The following LPP variants were observed in gnomAD, a reference collection of about 807,000 sequenced individuals.
LPP encodes the protein lipoma-preferred partner.
A neutral mutation model predicts 60.4 loss-of-function variants in LPP; 38 were observed. The observed-to-expected ratio is 0.63, with a 90% confidence interval of 0.49 to 0.83. The LOEUF (loss-of-function observed/expected upper bound fraction) is 0.83. Ranked by LOEUF, LPP falls within the 40% of genes least tolerant of loss-of-function variation. The pLI, the probability that LPP is intolerant of heterozygous loss-of-function variation, is 0.00. For missense variants in LPP, 902 were observed against 783.6 expected, an observed-to-expected ratio of 1.15 and a Z score of -1.80; for synonymous variants, 328 against 290.8, an observed-to-expected ratio of 1.13 and a Z score of -1.30.
At chr3:188,437,449 C>T (rs1792613662) in intron 4 of LPP, among the ~76,000 whole-genome samples, 1 of 152,172 alleles carries the variant, frequency 6.6e-6, no homozygotes, top group Non-Finnish European at 1.5e-5. Context: ...AGATATTCCA[C>T]ACACTTAAAT....
intron 1 of LPP, among the ~76,000 whole-genome samples, chr3:188,165,545 A>T (rs1330261670): frequency 2.0e-5 from 3 of 152,170 alleles, no homozygotes; most frequent in African/African-American, 7.2e-5. Context: ...CATTGAGAGA[A>T]ACCTTTATTG....
chr3:188,277,042 T>C (rs932320096), intron 2 of LPP, among the ~76,000 whole-genome samples: 2 of 151,670 alleles, frequency 1.3e-5, no homozygotes, highest in Non-Finnish European at 2.9e-5. Flanking sequence ...TGGCTGGACT[T>C]ATAGGCACGT....
intron 7 of LPP, among the ~76,000 whole-genome samples, chr3:188,645,582 A>G (rs1295421794): frequency 6.6e-6 from 1 of 152,160 alleles, no homozygotes; most frequent in African/African-American, 2.4e-5. Flanking sequence ...AATGCGCAGT[A>G]ATACCTACAG....
chr3:188,657,281 T>TATATATATATATA (rs10529848), intron 7 of LPP, among the ~76,000 whole-genome samples: 18 of 143,552 alleles, frequency 1.3e-4, no homozygotes, highest in Non-Finnish European at 1.7e-4. Context: ...TATATATATA[T>TATATATATATATA]TTCCAAAAGC....
At position 188,313,588 on chromosome 3, in the gene LPP, G is replaced by A. The variant is rs892223145; in HGVS notation, c.-66-28075G>A. The stretch of plus-strand genomic sequence containing the variant: ...GGAGGTGGAGGTTGCAGTGAGCCAA[G>A]ATCCCGCCACTGCACTCCAGCCTGG... On this transcript the variant is annotated intron_variant, in intron 2 of 11. Coordinates refer to ENST00000617246, the MANE Select transcript of LPP (RefSeq NM_001375462.1). 3.3e-5 allele frequency among the ~76,000 whole-genome samples: 5 copies of A among 149,548 alleles called. No individual in the cohort carries two copies. In the Admixed American group the frequency reaches 3.3e-4, roughly 10 times the overall value.
At chr3:188,161,234 T>C (rs1385519366) in intron 1 of LPP, among the ~76,000 whole-genome samples, 1 of 152,076 alleles carries the variant, frequency 6.6e-6, no homozygotes, top group African/African-American at 2.4e-5. Flanking sequence ...CAAAGAGCTC[T>C]GGTGGCAGAC....
intron 1 of LPP, among the ~76,000 whole-genome samples, chr3:188,203,549 ATTTTTAAAT>A (rs1732100283): frequency 1.2e-5 from 1 of 84,008 alleles, no homozygotes; most frequent in African/African-American, 4.4e-5. Context: ...ATATATATAT[ATTTTTAAAT>A]ATATATAAAT....
At chr3:188,568,174 G>C (rs972661988) in intron 6 of LPP, 17 of 151,938 alleles carry the variant, frequency 1.1e-4, no homozygotes, top group Admixed American at 3.3e-4. Flanking sequence ...TTCAGTGGCT[G>C]AGAATCTGGC....
intron 6 of LPP, among the ~76,000 whole-genome samples, chr3:188,605,407 T>C (rs144621524): frequency 1.2e-3 from 179 of 152,258 alleles, no homozygotes; most frequent in African/African-American, 4.1e-3. Context: ...GAGCAACAAC[T>C]GGGTGGATGA....
At chr3:188,872,970 G>A (rs147313597) in intron 11 of LPP, among the ~76,000 whole-genome samples, 146 of 152,284 alleles carry the variant, frequency 9.6e-4, no homozygotes, top group Non-Finnish European at 1.5e-3. Flanking sequence ...CTTGCTCACC[G>A]GAAGAAAGGA....
chr3:188,581,688 G>A (rs542223162), intron 6 of LPP, among the ~76,000 whole-genome samples: 1 of 152,006 alleles, frequency 6.6e-6, no homozygotes, highest in South Asian at 2.1e-4. Flanking sequence ...TACAGCCCCT[G>A]GTTATACCCT....
chr3:188,863,080 T>C (rs1409609177), intron 9 of LPP, among the ~76,000 whole-genome samples: 1 of 152,216 alleles, frequency 6.6e-6, no homozygotes, highest in Non-Finnish European at 1.5e-5. Flanking sequence ...TCCAGGTTTC[T>C]AGCAAATGAA....
At chr3:188,337,162 T>C (rs1761891737) in intron 2 of LPP, among the ~76,000 whole-genome samples, 1 of 152,060 alleles carries the variant, frequency 6.6e-6, no homozygotes, top group African/African-American at 2.4e-5. Flanking sequence ...GTCGGGCCAC[T>C]GGGTTCGGGT....
chr3:188,486,096 A>T (rs1212055247), intron 5 of LPP, among the ~76,000 whole-genome samples: 1 of 152,132 alleles, frequency 6.6e-6, no homozygotes, highest in Non-Finnish European at 1.5e-5. Flanking sequence ...TACATGAGAT[A>T]TTTTGATATA....
chr3:188,360,933 G>T (rs777995541), intron 3 of LPP, among the ~76,000 whole-genome samples: 1 of 152,046 alleles, frequency 6.6e-6, no homozygotes, highest in Non-Finnish European at 1.5e-5. Flanking sequence ...TGAGATAGCG[G>T]GTGTATAAAG....
intron 2 of LPP, among the ~76,000 whole-genome samples, chr3:188,269,796 G>A (rs372536810): frequency 1.7e-4 from 26 of 151,974 alleles, no homozygotes; most frequent in East Asian, 5.8e-4. Flanking sequence ...TACTACAGGC[G>A]CGTGCCACCA....
chr3:188,191,773 C>T (rs539827547), intron 1 of LPP, among the ~76,000 whole-genome samples: 9 of 152,320 alleles, frequency 5.9e-5, no homozygotes, highest in South Asian at 2.1e-4. Flanking sequence ...CATGTGCTTC[C>T]GGACCTCAAG....
At chr3:188,188,433 C>T (rs1234909717) in intron 1 of LPP, among the ~76,000 whole-genome samples, 1 of 152,182 alleles carries the variant, frequency 6.6e-6, no homozygotes, top group African/African-American at 2.4e-5. Context: ...GGTCAGCCAA[C>T]ACTCCATGAC....
chr3:188,160,297 C>T (rs1023907952), intron 1 of LPP, among the ~76,000 whole-genome samples: 7 of 148,640 alleles, frequency 4.7e-5, no homozygotes, highest in Non-Finnish European at 8.9e-5. Context: ...CAGGTTCCAG[C>T]GATTCTCCTA....
Sources: allele counts gnomAD v4.1 joint callset (sites outside exome capture counted in the v4.1 genomes callset), GRCh38; gene constraint gnomAD v4.1.1; transcripts MANE v1.5; gene names NCBI Gene and HGNC (gene_info 2026-07-23, HGNC 2026-07-21).